CNOT10: variants seen among roughly 807,000 people sequenced by gnomAD.
The protein encoded by CNOT10 is CCR4-NOT transcription complex, subunit 10.
A neutral mutation model predicts 94.6 loss-of-function variants in CNOT10; 30 were observed. The observed-to-expected ratio is 0.32, with a 90% CI of 0.24 to 0.43. The LOEUF is 0.43. Among genes scored for constraint, CNOT10 ranks in the 20% least tolerant of loss-of-function variants. The pLI, the probability that CNOT10 is intolerant of heterozygous loss-of-function variation, is 1.00. For missense variants in CNOT10, 759 were observed against 877.2 expected, an observed-to-expected ratio of 0.87 and a Z score of 1.70; for synonymous variants, 289 against 301.6, an observed-to-expected ratio of 0.96 and a Z score of 0.43.
rs1698115073 is a variant in CNOT10, at chr3:32,716,276, G to C, written c.625G>C (p.Ala209Pro). 1 of 1,604,888 alleles carries C rather than the reference G, an allele frequency of 6.2e-7. No individual in the cohort carries two copies. The highest frequency in any genetic ancestry group is 8.5e-7 in the Non-Finnish European group (1 of 1,174,968). ...ATCTAATCATAAAGCTGAAAGTGGA[G>C]CTCTAATAGAAGCTGCAAAATCAAA... ...DGSNHKAESG[A>P]LIEAAKSKIH... Residue 209 changes from alanine (A) to proline (P), a missense_variant, in exon 6 of 19, where the codon GCT becomes CCT. Ala to Pro is a conservative substitution (Grantham distance 27). This residue lies in a region of CNOT10 where 682 missense variants were observed against 799.4 expected (regional missense o/e 0.85). Coordinates refer to ENST00000328834, the MANE Select transcript of CNOT10 (RefSeq NM_015442.3).
intron 10 of CNOT10, among the ~76,000 whole-genome samples, chr3:32,732,720 C>T (rs1699016529): frequency 6.6e-6 from 1 of 152,124 alleles, no homozygotes; most frequent in African/African-American, 2.4e-5. Flanking sequence ...GGATTACGGG[C>T]ATGAACCACT....
rs142974218 is a variant in CNOT10, at chr3:32,750,136, A to G, written c.1596-9322A>G. ...TGAGGTGGGAGGATCGCTTGGGCCC[A>G]GAAGATAGAGGCTGCAGTGAGCCGA... On this transcript the variant is annotated intron_variant, in intron 13 of 18. Coordinates refer to ENST00000328834, the MANE Select transcript of CNOT10 (RefSeq NM_015442.3). Among the ~76,000 whole-genome samples, 547 of 150,520 alleles carry G rather than the reference A, an allele frequency of 3.6e-3. 1 individual carries two copies. Among genetic ancestry groups the G allele is most frequent in the Non-Finnish European group, 5.7e-3 (381 of 67,414 alleles).
At chr3:32,764,919 G>T (rs867655543) in intron 17 of CNOT10, 110 bp downstream of exon 17, 1 of 1,527,872 alleles carries the variant, frequency 6.5e-7, no homozygotes, top group Middle Eastern at 1.7e-4. Context: ...TTAAATATTG[G>T]AATATCACTT....
At chr3:32,687,464 T>TTTTTTTTTTTG (rs1559471812) in intron 1 of CNOT10, among the ~76,000 whole-genome samples, 1 of 67,982 alleles carries the variant, frequency 1.5e-5, no homozygotes, top group Non-Finnish European at 2.9e-5. Flanking sequence ...TTTTTTTTTT[T>TTTTTTTTTTTG]TTTTTGAGAC....
At chr3:32,687,644 AG>A (rs1696689770) in intron 1 of CNOT10, 1 of 151,604 alleles carries the variant, frequency 6.6e-6, no homozygotes. Context: ...TAGTAGAGAC[AG>A]GGTTTCACCA....
chr3:32,706,650 T>G (rs896319041), intron 3 of CNOT10, among the ~76,000 whole-genome samples: 2 of 152,216 alleles, frequency 1.3e-5, no homozygotes, highest in African/African-American at 4.8e-5. Context: ...GCAAAGTTAT[T>G]TGTGTGATAA....
intron 12 of CNOT10, among the ~76,000 whole-genome samples, chr3:32,735,912 G>A (rs1699166170): frequency 6.6e-6 from 1 of 151,958 alleles, no homozygotes; most frequent in Non-Finnish European, 1.5e-5. Context: ...TCTAGTCTGG[G>A]CAGCATAGCA....
chr3:32,710,314 TA>T (rs1397794610), intron 4 of CNOT10, among the ~76,000 whole-genome samples: 2 of 151,816 alleles, frequency 1.3e-5, no homozygotes, highest in African/African-American at 4.8e-5. Context: ...GGATTTTTTT[TA>T]AAGACTGTTT....
intron 1 of CNOT10, among the ~76,000 whole-genome samples, chr3:32,691,889 C>G (rs1254196591): frequency 1.3e-5 from 2 of 151,870 alleles, no homozygotes; most frequent in Non-Finnish European, 2.9e-5. Context: ...AACCCTGTCT[C>G]TACCAAAAAT....
chr3:32,701,786 A>G (rs1352477583), intron 1 of CNOT10, among the ~76,000 whole-genome samples: 2 of 151,774 alleles, frequency 1.3e-5, no homozygotes, highest in African/African-American at 4.8e-5. Flanking sequence ...CCAGTCTCTG[A>G]TAGTTGTTTT....
At chr3:32,702,663 G>C (rs1697406733) in intron 1 of CNOT10, among the ~76,000 whole-genome samples, 1 of 152,156 alleles carries the variant, frequency 6.6e-6, no homozygotes, top group Non-Finnish European at 1.5e-5. Context: ...AGCCATCGTA[G>C]GTGTGTTTAT....
chr3:32,734,728 A>T, intron 11 of CNOT10, 72 bp from the exon 12 acceptor site: 1 of 1,226,332 alleles, frequency 8.2e-7, no homozygotes, highest in Non-Finnish European at 1.1e-6. Context: ...AATTGGTTTT[A>T]TTCCTCATAA....
intron 17 of CNOT10, 70 bp from the exon 18 acceptor site, chr3:32,769,817 G>C (rs1279480662): frequency 1.7e-6 from 2 of 1,189,270 alleles, no homozygotes; most frequent in East Asian, 2.3e-5. Flanking sequence ...CTTGTTGGTT[G>C]GCAGATGTAC....
chr3:32,692,115 A>G lies in CNOT10; in HGVS notation c.22+6633A>G, dbSNP rs1696877916. The stretch of plus-strand genomic sequence containing the variant: ...GTGGTTCATACCTATAAATCCTAGC[A>G]CTTTGGGAGGCCGAGGTGGGTGGAT... On this transcript the variant is annotated intron_variant, in intron 1 of 18. Transcript: ENST00000328834. Among the ~76,000 whole-genome samples, 3 of 151,844 alleles carry G rather than the reference A, an allele frequency of 2.0e-5. No individual in the cohort carries two copies. The South Asian group carries it at 6.2e-4, about 32-fold the overall frequency.
At chr3:32,759,227 G>A (rs1285501049) in intron 13 of CNOT10, among the ~76,000 whole-genome samples, 3 of 151,886 alleles carry the variant, frequency 2.0e-5, no homozygotes, top group African/African-American at 7.3e-5. Flanking sequence ...ATTTTGTTGG[G>A]GATGTGGGTC....
chr3:32,732,645 T>G (rs1158285662), intron 10 of CNOT10, among the ~76,000 whole-genome samples: 1 of 151,832 alleles, frequency 6.6e-6, no homozygotes, highest in Non-Finnish European at 1.5e-5. Flanking sequence ...CTCACTATGT[T>G]GCCCAGGCTG....
Position 32,769,912 on chromosome 3 carries a change from A to C in CNOT10, c.2030A>C (p.Glu677Ala). Reference sequence around the variant, plus strand: ...GCGGCTTCAATGATCCATCCTAAAGAGGTGCCCCCTGAGGCCATCTTGCTG... The same window carrying C: ...GCGGCTTCAATGATCCATCCTAAAGCGGTGCCCCCTGAGGCCATCTTGCTG... ...HQAASMIHPKEVPPEAILLAV... is the reference protein window; with the variant it reads ...HQAASMIHPKAVPPEAILLAV... The change falls in exon 18 of 19, where the codon GAG (glutamate) becomes GCG (alanine). Residue 677 changes from glutamate to alanine, a missense_variant. Physicochemically the swap from Glu to Ala is moderately radical, Grantham distance 107. Around this residue, in one of 3 missense-constraint regions of CNOT10, gnomAD observed 682 missense variants for 799.4 expected, o/e 0.85. Transcript: ENST00000328834. 7 of 1,614,012 alleles carry C rather than the reference A, an allele frequency of 4.3e-6. No homozygotes were observed. Among genetic ancestry groups the C allele is most frequent in the Non-Finnish European group, 5.9e-6 (7 of 1,179,926 alleles).
chr3:32,722,724 A>G (rs1435639943), intron 8 of CNOT10, among the ~76,000 whole-genome samples: 3 of 152,156 alleles, frequency 2.0e-5, no homozygotes, highest in Non-Finnish European at 1.5e-5. Context: ...TCACACCTAT[A>G]ATCAATCCCA....
intron 8 of CNOT10, 37 bp downstream of exon 8, chr3:32,720,268 C>G: frequency 9.5e-7 from 1 of 1,057,788 alleles, no homozygotes; most frequent in Non-Finnish European, 1.4e-6. Flanking sequence ...TTTTTTTTGC[C>G]TTGCTCTTCT....
Sources: allele counts gnomAD v4.1 joint callset (sites outside exome capture counted in the v4.1 genomes callset), GRCh38; gene constraint gnomAD v4.1.1; regional missense constraint gnomAD v4.1.1; transcripts MANE v1.5; gene names NCBI Gene and HGNC (gene_info 2026-07-23, HGNC 2026-07-21).